The following VPS45 variants were observed in gnomAD, a reference collection of about 807,000 sequenced individuals.
The protein encoded by VPS45 is vacuolar protein sorting-associated protein 45.
VPS45 carries 35 observed loss-of-function variants against 75.9 expected under a neutral mutation model. The ratio of observed to expected loss-of-function variants is 0.46; its 90% CI spans 0.35 to 0.61. The LOEUF (loss-of-function observed/expected upper bound fraction) is 0.61, where lower values mean the gene tolerates loss of function less well. VPS45 is among the 20% of genes least tolerant of loss of function. The pLI is 0.00. For missense variants in VPS45, 559 were observed against 685.9 expected (o/e 0.81, Z 2.07); for synonymous variants, 220 against 238.2 (o/e 0.92, Z 0.70).
At chr1:150,073,696 C>T (rs587775549) in intron 3 of VPS45, among the ~76,000 whole-genome samples, 2 of 152,034 alleles carry the variant, frequency 1.3e-5, no homozygotes, top group African/African-American at 4.8e-5. Flanking sequence ...CTTTACCCAG[C>T]TTCCCCCTGT....
intron 13 of VPS45, among the ~76,000 whole-genome samples, chr1:150,100,654 A>C (rs587652305): frequency 1.1e-4 from 16 of 152,360 alleles, no homozygotes; most frequent in Non-Finnish European, 1.8e-4. Context: ...AATGGAACAG[A>C]ATAGAGAGCC....
intron 14 of VPS45, among the ~76,000 whole-genome samples, chr1:150,126,679 A>G (rs1291945758): frequency 7.9e-5 from 12 of 151,896 alleles, no homozygotes; most frequent in African/African-American, 2.9e-4. Flanking sequence ...AAAAATTTAT[A>G]TGTAGCTGAG....
chr1:150,126,586 C>T (rs1331227618), intron 14 of VPS45, among the ~76,000 whole-genome samples: 2 of 152,042 alleles, frequency 1.3e-5, no homozygotes, highest in Admixed American at 1.3e-4. Flanking sequence ...GTTGGTTATA[C>T]AACTGGATAT....
intron 14 of VPS45, among the ~76,000 whole-genome samples, chr1:150,125,737 A>G (rs1274613511): frequency 3.9e-5 from 6 of 151,922 alleles, no homozygotes; most frequent in African/African-American, 1.5e-4. Flanking sequence ...TGCCCAGGCT[A>G]GAGTGCAGTG....
Position 150,145,227 on chromosome 1 carries a change from C to T in VPS45, c.*431C>T. On this transcript the variant is annotated 3_prime_UTR_variant, in exon 15 of 15. Transcript: ENST00000644510. ...TCATTTCTGAAAACCTACCATGTTT[C>T]TTTACAGAGCCATCCAAAAATTTTT... 4.5e-6 allele frequency: 1 copy of T among 223,550 alleles called. No individual in the cohort carries two copies. The highest frequency in any genetic ancestry group is 8.8e-6 in the Non-Finnish European group (1 of 113,652). 13.8% of individuals were successfully genotyped at this position (223,550 alleles called of 1,614,324 possible).
chr1:150,068,081 A>G (rs1304866160), intron 1 of VPS45, 131 bp downstream of exon 1: 2 of 953,676 alleles, frequency 2.1e-6, no homozygotes, highest in African/African-American at 3.3e-5. Flanking sequence ...GGAATTGAAA[A>G]GTTGTTTATA....
chr1:150,124,558 T>TTC (rs1403384974), intron 14 of VPS45, among the ~76,000 whole-genome samples: 19 of 147,766 alleles, frequency 1.3e-4, no homozygotes, highest in African/African-American at 3.2e-4. Context: ...TTTTCTTTTT[T>TTC]TTTTTTTGAG....
rs184469446 is a variant in VPS45 at position 150,097,531 on chromosome 1, C to A, written c.1493+3883C>A. ...GTCAGGAGTTTGAGACCAGCCTGGCCAACATGGTGAAACCCTGTCTCTACT... is the reference window on the plus strand; with the variant it reads ...GTCAGGAGTTTGAGACCAGCCTGGCAAACATGGTGAAACCCTGTCTCTACT... On this transcript the variant is annotated intron_variant, in intron 13 of 14. Transcript: ENST00000644510. Among the ~76,000 whole-genome samples, 46 of 151,572 alleles carry A rather than the reference C, an allele frequency of 3.0e-4. No homozygotes were observed. In the East Asian group the frequency reaches 5.8e-3, roughly 19 times the overall value.
intron 10 of VPS45, among the ~76,000 whole-genome samples, chr1:150,088,262 C>G (rs1430617542): frequency 2.0e-5 from 3 of 151,912 alleles, no homozygotes; most frequent in Admixed American, 6.6e-5. Flanking sequence ...TGCTATTCTG[C>G]TCTCTACTTC....
chr1:150,082,627 A>G, intron 9 of VPS45, 89 bp from the exon 10 acceptor site: 1 of 1,488,940 alleles, frequency 6.7e-7, no homozygotes. Flanking sequence ...CTGAAAAACA[A>G]CCCCCGCTTT....
At chr1:150,135,299 G>A (rs1659015351) in intron 14 of VPS45, among the ~76,000 whole-genome samples, 1 of 151,800 alleles carries the variant, frequency 6.6e-6, no homozygotes, top group Non-Finnish European at 1.5e-5. Flanking sequence ...TCTCACACTT[G>A]TCACCCAGGC....
intron 7 of VPS45, among the ~76,000 whole-genome samples, chr1:150,078,984 G>T (rs587692913): frequency 6.7e-6 from 1 of 150,368 alleles, no homozygotes. Flanking sequence ...GGTGGCAGAT[G>T]CCTGTAATCC....
chr1:150,082,355 A>G (rs1224841132), intron 9 of VPS45, among the ~76,000 whole-genome samples: 1 of 151,906 alleles, frequency 6.6e-6, no homozygotes, highest in African/African-American at 2.4e-5. Flanking sequence ...AAAAATACAA[A>G]ATTAGCCAGG....
At chr1:150,080,511 T>G (rs1226664845) in intron 7 of VPS45, among the ~76,000 whole-genome samples, 1 of 152,202 alleles carries the variant, frequency 6.6e-6, no homozygotes, top group Non-Finnish European at 1.5e-5. Context: ...GGCAAATCTT[T>G]TAGGAAATAA....
rs1470079945 is a variant in VPS45 at position 150,092,419 on chromosome 1, T to A, written c.1371+10T>A. On this transcript the variant is annotated intron_variant, in intron 12 of 14. Coordinates refer to ENST00000644510, the MANE Select transcript of VPS45 (RefSeq NM_007259.5). ...CCTCAAAGGACTGAAGGTATAGACATCTCCTCTATGCTCTCCTGAGTGAGA... is the reference window on the plus strand; with the variant it reads ...CCTCAAAGGACTGAAGGTATAGACAACTCCTCTATGCTCTCCTGAGTGAGA... The A allele has an allele frequency of 6.2e-7, 1 of 1,609,718 alleles. No homozygotes were observed. The highest frequency in any genetic ancestry group is 8.5e-7 in the Non-Finnish European group (1 of 1,176,218).
chr1:150,071,432 A>G (rs978544906), intron 2 of VPS45, among the ~76,000 whole-genome samples: 1 of 152,192 alleles, frequency 6.6e-6, no homozygotes, highest in Non-Finnish European at 1.5e-5. Context: ...AATATAATTA[A>G]CTTTATTTTC....
chr1:150,109,419 C>T (rs1456017305), intron 13 of VPS45: 4 of 152,048 alleles, frequency 2.6e-5, no homozygotes, highest in Non-Finnish European at 5.9e-5. Flanking sequence ...AGTGAAGTCC[C>T]ACAAGAACAA....
intron 14 of VPS45, among the ~76,000 whole-genome samples, chr1:150,125,659 G>A (rs112640811): frequency 0.043 from 5,863 of 137,898 alleles, 459 homozygotes; most frequent in African/African-American, 0.15. Flanking sequence ...GGGAGGGATA[G>A]CATTAGGAGA....
At chr1:150,144,630 T>G in intron 14 of VPS45, 79 bp from the exon 15 acceptor site, 1 of 1,240,684 alleles carries the variant, frequency 8.1e-7, no homozygotes, top group Non-Finnish European at 1.1e-6. Context: ...TTTCATCTGG[T>G]TAGATGTCCA....
Sources: gnomAD v4.1 joint callset for allele counts (sites outside exome capture counted in the v4.1 genomes callset) on GRCh38, gnomAD v4.1.1 for gene constraint, MANE v1.5 for transcripts, NCBI Gene and HGNC (gene_info 2026-07-23, HGNC 2026-07-21) for gene names.